SYT1: variants seen among roughly 807,000 people sequenced by gnomAD.
SYT1 encodes the protein synaptotagmin-1.
A neutral mutation model predicts 44.8 loss-of-function variants in SYT1; 8 were observed. The ratio of observed to expected loss-of-function variants is 0.18; its 90% CI spans 0.10 to 0.32. The LOEUF (loss-of-function observed/expected upper bound fraction) is 0.32. Ranked by LOEUF, SYT1 falls within the 10% of genes least tolerant of loss-of-function variation. The pLI is 1.00. For missense variants in SYT1, 286 were observed against 509.3 expected, an observed-to-expected ratio of 0.56 and a Z score of 4.22; for synonymous variants, 154 against 188.8, an observed-to-expected ratio of 0.82 and a Z score of 1.51.
intron 1 of SYT1, among the ~76,000 whole-genome samples, chr12:78,942,264 T>C (rs1345631274): frequency 6.6e-6 from 1 of 152,238 alleles, no homozygotes; most frequent in African/African-American, 2.4e-5. Context: ...CAATGACTGC[T>C]TCCCATGATC....
chr12:78,897,743 C>G (rs1351459438), intron 1 of SYT1, among the ~76,000 whole-genome samples: 1 of 152,044 alleles, frequency 6.6e-6, no homozygotes, highest in East Asian at 1.9e-4. Context: ...TAAGTTTGTA[C>G]TGGTAATTTA....
At chr12:79,351,664 C>A (rs958851934) in intron 8 of SYT1, among the ~76,000 whole-genome samples, 4 of 152,048 alleles carry the variant, frequency 2.6e-5, no homozygotes, top group Non-Finnish European at 5.9e-5. Context: ...ATGATATTGT[C>A]TCCCATTCAT....
intron 2 of SYT1, among the ~76,000 whole-genome samples, chr12:79,028,355 T>A (rs1872649093): frequency 1.3e-5 from 2 of 151,420 alleles, no homozygotes; most frequent in Admixed American, 1.3e-4. Flanking sequence ...GAATAATGCA[T>A]GTTGCTGACT....
chr12:79,212,792 T>C (rs539564381), intron 3 of SYT1, among the ~76,000 whole-genome samples: 1 of 152,330 alleles, frequency 6.6e-6, no homozygotes, highest in Admixed American at 6.5e-5. Flanking sequence ...GATGCTTAAA[T>C]GTTATTAGTA....
At chr12:79,149,593 C>T (rs1424531688) in intron 3 of SYT1, among the ~76,000 whole-genome samples, 2 of 151,794 alleles carry the variant, frequency 1.3e-5, no homozygotes, top group African/African-American at 4.8e-5. Flanking sequence ...GATGAAAATC[C>T]TTGCCTTTGC....
At chr12:79,126,239 T>TTTTTGTTTTG (rs540075954) in intron 3 of SYT1, among the ~76,000 whole-genome samples, 2 of 151,954 alleles carry the variant, frequency 1.3e-5, no homozygotes, top group African/African-American at 2.4e-5. Context: ...ATAAAAGTGG[T>TTTTTGTTTTG]TTTTGTTTTG....
chr12:79,322,519 G>T (rs1382843084), intron 8 of SYT1, among the ~76,000 whole-genome samples: 1 of 152,114 alleles, frequency 6.6e-6, no homozygotes, highest in Non-Finnish European at 1.5e-5. Flanking sequence ...GTTCTTATGA[G>T]TGTATCAGTG....
At chr12:79,155,810 G>A (rs771405636) in intron 3 of SYT1, among the ~76,000 whole-genome samples, 2 of 152,170 alleles carry the variant, frequency 1.3e-5, no homozygotes, top group Non-Finnish European at 2.9e-5. Context: ...GAATTCTTCT[G>A]TTGCCTTCCG....
At chr12:78,951,415 G>T (rs117762229) in intron 1 of SYT1, among the ~76,000 whole-genome samples, 3 of 152,094 alleles carry the variant, frequency 2.0e-5, no homozygotes, top group African/African-American at 7.2e-5. Context: ...AGGTAGGAAA[G>T]TTATATGGGC....
At chr12:78,971,612 A>G in intron 1 of SYT1, among the ~76,000 whole-genome samples, 1 of 152,196 alleles carries the variant, frequency 6.6e-6, no homozygotes, top group South Asian at 2.1e-4. Context: ...AACATTTTTG[A>G]TAAGAAAACA....
intron 9 of SYT1, among the ~76,000 whole-genome samples, chr12:79,443,766 G>T (rs954020009): frequency 6.6e-6 from 1 of 152,060 alleles, no homozygotes; most frequent in East Asian, 1.9e-4. Flanking sequence ...GCCTTGGTTG[G>T]GGTATATATA....
chr12:79,308,897 A>G (rs1051663794), intron 8 of SYT1, among the ~76,000 whole-genome samples: 13 of 152,256 alleles, frequency 8.5e-5, no homozygotes, highest in African/African-American at 3.1e-4. Flanking sequence ...ATTAGGAGAC[A>G]TAACTATTCC....
intron 1 of SYT1, among the ~76,000 whole-genome samples, chr12:78,876,909 T>TATAATATATATAATATATTATAC (rs1565697998): frequency 2.3e-4 from 21 of 90,232 alleles, no homozygotes; most frequent in East Asian, 8.6e-4. Context: ...ATATATTATA[T>TATAATATATATAATATATTATAC]GTATTATATA....
intron 1 of SYT1, among the ~76,000 whole-genome samples, chr12:78,965,703 G>C (rs528093496): frequency 6.6e-6 from 1 of 151,966 alleles, no homozygotes; most frequent in South Asian, 2.1e-4. Context: ...AGCCAAGATC[G>C]GTCTCCAGGC....
At chr12:78,942,080 T>G (rs994832211) in intron 1 of SYT1, among the ~76,000 whole-genome samples, 2 of 152,216 alleles carry the variant, frequency 1.3e-5, no homozygotes, top group Non-Finnish European at 2.9e-5. Context: ...GCCAACCTCC[T>G]CTACTGACAT....
chr12:79,121,767 T>A (rs965673425), intron 3 of SYT1, among the ~76,000 whole-genome samples: 2 of 152,234 alleles, frequency 1.3e-5, no homozygotes, highest in African/African-American at 4.8e-5. Context: ...GCCCAAGTAT[T>A]GTCTTTAATG....
intron 1 of SYT1, among the ~76,000 whole-genome samples, chr12:78,867,758 T>C (rs1242321567): frequency 2.6e-5 from 4 of 151,996 alleles, no homozygotes; most frequent in Non-Finnish European, 5.9e-5. Context: ...AGTTATTTCA[T>C]CTGGTCAAAT....
chr12:78,870,753 C>T (rs1219868840), intron 1 of SYT1, among the ~76,000 whole-genome samples: 3 of 151,900 alleles, frequency 2.0e-5, no homozygotes, highest in African/African-American at 7.3e-5. Context: ...GGCTCATTTC[C>T]GCTGGGCCAT....
At chr12:79,058,337 G>A (rs1875119861) in intron 3 of SYT1, among the ~76,000 whole-genome samples, 1 of 152,024 alleles carries the variant, frequency 6.6e-6, no homozygotes, top group Non-Finnish European at 1.5e-5. Context: ...GGGACACAAG[G>A]AAAAACATGT....
Sources: gnomAD v4.1 joint callset for allele counts (sites outside exome capture counted in the v4.1 genomes callset) on GRCh38, gnomAD v4.1.1 for gene constraint, MANE v1.5 for transcripts, NCBI Gene and HGNC (gene_info 2026-07-23, HGNC 2026-07-21) for gene names.